Variants in NEK4 observed in about 807,000 individuals in gnomAD.
NEK4 encodes NIMA related kinase 4.
NEK4 carries 86 observed loss-of-function variants against 98.4 expected under a neutral mutation model. The observed-to-expected ratio is 0.87, with a 90% CI of 0.73 to 1.05. The LOEUF is 1.05. NEK4 is among the 50% of genes least tolerant of loss of function. The pLI is 0.00. For missense variants in NEK4, 898 were observed against 950.3 expected, an observed-to-expected ratio of 0.94 and a Z score of 0.72; for synonymous variants, 328 against 342.2, an observed-to-expected ratio of 0.96 and a Z score of 0.46.
rs1395108017 is a variant in NEK4, at chr3:52,746,899, T to C, written c.1512A>G (p.Gln504=). The part of the protein sequence containing the change: ...ITGVCHHAQD[Q]VAGECIIEKQ... The stretch of plus-strand genomic sequence containing the variant: ...TTTCTATAATACATTCACCAGCAAC[T>C]TGATCCTTAAAAACAATAAAATGAC... The change falls in exon 9 of 16, where the codon CAA becomes CAG. Residue 504 remains glutamine, a synonymous_variant. Coordinates refer to ENST00000233027, the MANE Select transcript of NEK4 (RefSeq NM_003157.6). 4 of 1,611,336 alleles carry C rather than the reference T, an allele frequency of 2.5e-6. No individual in the cohort carries two copies. The highest frequency in any genetic ancestry group is 1.3e-5 in the African/African-American group (1 of 74,832).
At chr3:52,743,559 C>T in intron 11 of NEK4, 98 bp from the exon 12 acceptor site, 1 of 852,822 alleles carries the variant, frequency 1.2e-6, no homozygotes, top group Non-Finnish European at 1.9e-6. Flanking sequence ...CAGGAGCTAG[C>T]CCAAAAGTAA....
In NEK4 at chr3:52,710,953, C is replaced by G. The variant is rs1212325174; in HGVS notation, c.*824G>C. 2 of 152,514 alleles carry G rather than the reference C, an allele frequency of 1.3e-5. No individual in the cohort carries two copies. Among genetic ancestry groups the G allele is most frequent in the Non-Finnish European group, 2.9e-5 (2 of 68,018 alleles). 9.4% of individuals were successfully genotyped at this position (152,514 alleles called of 1,614,324 possible). A position where few individuals can be genotyped will look rare whatever the true frequency, so the allele number is the denominator to read the frequency against. On this transcript the variant is annotated 3_prime_UTR_variant, in exon 16 of 16. Coordinates refer to ENST00000233027, the MANE Select transcript of NEK4 (RefSeq NM_003157.6). ...ATCATACATTTAAAACATGGAAAGA[C>G]AACTAATATCTTACAGTACATGAAG...
intron 15 of NEK4, among the ~76,000 whole-genome samples, chr3:52,730,161 T>C (rs2097368246): frequency 1.3e-5 from 2 of 152,178 alleles, no homozygotes; most frequent in Admixed American, 6.5e-5. Flanking sequence ...AACAATTGTA[T>C]GCCAACAAGT....
chr3:52,746,836 G>A lies in NEK4; in HGVS notation c.1575C>T (p.Asn525=), dbSNP rs770820400. 2 of 1,613,884 alleles carry A rather than the reference G, an allele frequency of 1.2e-6. No individual in the cohort carries two copies. The highest frequency in any genetic ancestry group is 3.3e-5 in the Admixed American group (2 of 60,030). The change falls in exon 9 of 16, where the codon AAC becomes AAT. Residue 525 remains asparagine, a synonymous_variant. Coordinates refer to ENST00000233027, the MANE Select transcript of NEK4 (RefSeq NM_003157.6). The part of the protein sequence containing the change: ...GRIHPDLQPH[N]SGSEPSLSRQ... ...GAGACAGGGAAGGTTCAGACCCAGA[G>A]TTGTGTGGCTGTAAATCTGGGTGGA...
At position 52,719,851 on chromosome 3, in the gene NEK4, G is replaced by T. The variant is rs147323444; in HGVS notation, c.2434-7982C>A. On this transcript the variant is annotated intron_variant, in intron 15 of 15. Coordinates refer to ENST00000233027, the MANE Select transcript of NEK4 (RefSeq NM_003157.6). ...TGGCAGAACAATTAGCAAGCTTGGG[G>T]ACAGACCAACAGAAATTATGCAATC... Among the ~76,000 whole-genome samples, 5 of 152,240 alleles carry T rather than the reference G, an allele frequency of 3.3e-5. No homozygotes were observed. In the South Asian group the frequency reaches 6.2e-4, roughly 19 times the overall value.
At chr3:52,741,673 A>G (rs2097386456) in intron 12 of NEK4, among the ~76,000 whole-genome samples, 174 bp from the exon 13 acceptor site, 1 of 152,250 alleles carries the variant, frequency 6.6e-6, no homozygotes, top group Admixed American at 6.5e-5. Context: ...AAAGAAAAAA[A>G]CATTGAAGTG....
At chr3:52,761,331 T>C (rs551862890) in intron 5 of NEK4, among the ~76,000 whole-genome samples, 6 of 152,154 alleles carry the variant, frequency 3.9e-5, no homozygotes, top group African/African-American at 1.4e-4. Flanking sequence ...CAGGCTAGAG[T>C]GTAGTGGCGT....
intron 13 of NEK4, among the ~76,000 whole-genome samples, chr3:52,740,924 A>C (rs2097384706): frequency 6.7e-6 from 1 of 149,162 alleles, no homozygotes; most frequent in South Asian, 2.1e-4. Context: ...GAAGAAGTCC[A>C]AAAAAAAAAT....
At position 52,737,611 on chromosome 3, in the gene NEK4, T is replaced by G. The variant is rs777145290; in HGVS notation, c.2408A>C (p.Glu803Ala). 1.2e-6 allele frequency: 2 copies of G among 1,613,818 alleles called. No homozygotes were observed. Among genetic ancestry groups the G allele is most frequent in the South Asian group, 2.2e-5 (2 of 91,074 alleles). ...QLLEQVYDLLEEEDEFDREVR... is the reference protein window; with the variant it reads ...QLLEQVYDLLAEEDEFDREVR... The stretch of plus-strand genomic sequence containing the variant: ...CTCTCTATCAAATTCATCCTCCTCC[T>G]CCAAAAGATCATACACCTGCTCTAA... Residue 803 changes from glutamate to alanine, a missense_variant, in exon 15 of 16, where the codon GAG (glutamate) becomes GCG (alanine). Physicochemically the swap from Glu to Ala is moderately radical, Grantham distance 107. Transcript: ENST00000233027.
rs981249735 is a variant in NEK4, at chr3:52,752,323, C to T, written c.977G>A (p.Cys326Tyr). Residue 326 changes from cysteine to tyrosine, a missense_variant, in exon 7 of 16, where the codon TGT becomes TAT. Coordinates refer to ENST00000233027, the MANE Select transcript of NEK4 (RefSeq NM_003157.6). ...GGCCCTGGGTTTCTCCTGGGACAAACATTTGCCTTCACCCTGAATGAAAAG... is the reference window on the plus strand; with the variant it reads ...GGCCCTGGGTTTCTCCTGGGACAAATATTTGCCTTCACCCTGAATGAAAAG... ...SQTYIMGEGK[C>Y]LSQEKPRASG... The T allele has an allele frequency of 6.2e-7, 1 of 1,612,916 alleles. No homozygotes were observed. The highest frequency in any genetic ancestry group is 1.3e-5 in the African/African-American group (1 of 74,958).
At chr3:52,767,468 T>C (rs1698608712) in intron 2 of NEK4, among the ~76,000 whole-genome samples, 1 of 151,998 alleles carries the variant, frequency 6.6e-6, no homozygotes, top group African/African-American at 2.4e-5. Context: ...TCCCAGCACT[T>C]TGGGAGGCCG....
intron 4 of NEK4, among the ~76,000 whole-genome samples, chr3:52,763,861 T>C (rs886935531): frequency 6.6e-6 from 1 of 152,218 alleles, no homozygotes; most frequent in Non-Finnish European, 1.5e-5. Flanking sequence ...CATTCAGAAA[T>C]AAGAGTATGA....
intron 14 of NEK4, among the ~76,000 whole-genome samples, chr3:52,738,580 A>G (rs1012419295): frequency 6.6e-6 from 1 of 151,596 alleles, no homozygotes; most frequent in African/African-American, 2.4e-5. Context: ...CCGCCTGAGT[A>G]GCTGGGACTA....
chr3:52,751,355 C>G (rs899154323), intron 7 of NEK4, among the ~76,000 whole-genome samples: 1 of 151,874 alleles, frequency 6.6e-6, no homozygotes, highest in Non-Finnish European at 1.5e-5. Context: ...ACTCGGGAGG[C>G]TGACGCAGGA....
chr3:52,741,187 G>T (rs1265547301), intron 13 of NEK4, among the ~76,000 whole-genome samples: 3 of 139,122 alleles, frequency 2.2e-5, no homozygotes, highest in African/African-American at 8.1e-5. Flanking sequence ...AGTGAGCGGA[G>T]ATTGTGCCAC....
At position 52,770,928 on chromosome 3, in the gene NEK4, C is replaced by G; in HGVS notation, c.-182G>C. ...ACGCCGCTGCCATAGCGATCCGGGC[C>G]GGGAGCAGTTCTGCGCATGCTCCTG... is the stretch of plus-strand genomic sequence containing the variant. On this transcript the variant is annotated 5_prime_UTR_variant, in exon 1 of 16. Transcript: ENST00000233027. The G allele has an allele frequency of 1.6e-6, 1 of 607,828 alleles. No individual in the cohort carries two copies. Among genetic ancestry groups the G allele is most frequent in the Non-Finnish European group, 2.9e-6 (1 of 345,366 alleles). 37.7% of individuals were successfully genotyped at this position (607,828 alleles called of 1,614,324 possible).
At chr3:52,732,637 T>C in intron 15 of NEK4, 1 of 322,340 alleles carries the variant, frequency 3.1e-6, no homozygotes, top group Non-Finnish European at 6.3e-6. Context: ...TCAGGAGGAG[T>C]GGAAATAACT....
At chr3:52,735,422 T>TA (rs2097374558) in intron 15 of NEK4, among the ~76,000 whole-genome samples, 1 of 152,260 alleles carries the variant, frequency 6.6e-6, no homozygotes, top group South Asian at 2.1e-4. Flanking sequence ...AATACATATG[T>TA]ACTGAGGGTT....
rs2097346817 is a variant in NEK4, at chr3:52,708,516, TAATTA to T, written c.*3256_*3260del. The T allele has an allele frequency of 6.6e-6, 1 of 152,220 alleles. No individual in the cohort carries two copies. Among genetic ancestry groups the T allele is most frequent in the East Asian group, 1.9e-4 (1 of 5,204 alleles). 9.4% of individuals were successfully genotyped at this position (152,220 alleles called of 1,614,324 possible). On this transcript the variant is annotated 3_prime_UTR_variant, in exon 16 of 16. Coordinates refer to ENST00000233027, the MANE Select transcript of NEK4 (RefSeq NM_003157.6). Reference sequence around the variant, plus strand: ...TATGGTGCCACTAGACACGTCTATTTAATTAAAATTAAAATATAAAACTCTAAAAC... The same window carrying T: ...TATGGTGCCACTAGACACGTCTATTTAAATTAAAATATAAAACTCTAAAAC...
Sources: allele counts gnomAD v4.1 joint callset (sites outside exome capture counted in the v4.1 genomes callset), GRCh38; gene constraint gnomAD v4.1.1; transcripts MANE v1.5; gene names NCBI Gene and HGNC (gene_info 2026-07-23, HGNC 2026-07-21).